The following PLEKHA5 variants were observed in gnomAD, a reference collection of about 807,000 sequenced individuals.
The protein encoded by PLEKHA5 is pleckstrin homology domain containing A5, also known as pleckstrin homology domain-containing family A member 5.
Under a neutral mutation model 181.9 loss-of-function variants are expected in PLEKHA5, and 55 were observed. That is an observed-to-expected ratio of 0.30 (90% CI 0.24 to 0.38). The LOEUF (loss-of-function observed/expected upper bound fraction) is 0.38. Ranked by LOEUF, PLEKHA5 falls within the 10% of genes least tolerant of loss-of-function variation. The pLI, the probability that PLEKHA5 is intolerant of heterozygous loss-of-function variation, is 1.00. For missense variants in PLEKHA5, 1,432 were observed against 1,549.5 expected, an observed-to-expected ratio of 0.92 and a Z score of 1.27; for synonymous variants, 535 against 529.4, an observed-to-expected ratio of 1.01 and a Z score of -0.15.
chr12:19,359,930 C>CA (rs2153231565), intron 28 of PLEKHA5, among the ~76,000 whole-genome samples: 1 of 151,468 alleles, frequency 6.6e-6, no homozygotes, highest in African/African-American at 2.4e-5. Context: ...CGCGCCACTA[C>CA]ACTCCAGCCT....
chr12:19,173,319 G>A (rs1426749750), intron 3 of PLEKHA5, among the ~76,000 whole-genome samples: 1 of 151,928 alleles, frequency 6.6e-6, no homozygotes, highest in African/African-American at 2.4e-5. Flanking sequence ...CACCGCGCCC[G>A]GCCCTTGATT....
intron 11 of PLEKHA5, among the ~76,000 whole-genome samples, chr12:19,283,019 T>C (rs2076504626): frequency 6.6e-6 from 1 of 151,690 alleles, no homozygotes; most frequent in South Asian, 2.1e-4. Context: ...TGGTGGTGGA[T>C]GCCTGTAATC....
At chr12:19,173,005 CTTTTTTTTTTTTTTTT>C (rs71064064) in intron 3 of PLEKHA5, among the ~76,000 whole-genome samples, 2 of 33,544 alleles carry the variant, frequency 6.0e-5, no homozygotes, top group Admixed American at 6.7e-4. Context: ...ATTTCCCTTT[CTTTTTTTTTTTTTTTT>C]TTTTTTTTTT....
chr12:19,267,655 C>T (rs748692516), intron 8 of PLEKHA5, among the ~76,000 whole-genome samples: 9 of 133,882 alleles, frequency 6.7e-5, no homozygotes, highest in Middle Eastern at 7.0e-3. Context: ...GTAAGACTCC[C>T]TCCCTCCCCC....
intron 3 of PLEKHA5, among the ~76,000 whole-genome samples, chr12:19,149,053 T>G (rs1235940202): frequency 6.6e-6 from 1 of 152,202 alleles, no homozygotes; most frequent in Non-Finnish European, 1.5e-5. Context: ...CTTTCTGACC[T>G]GCTATTTAAG....
chr12:19,361,746 G>A, intron 29 of PLEKHA5, 40 bp downstream of exon 29: 1 of 1,533,830 alleles, frequency 6.5e-7, no homozygotes, highest in Non-Finnish European at 8.9e-7. Context: ...TCACAAAACT[G>A]TGTAACTGCT....
intron 24 of PLEKHA5, 24 bp downstream of exon 24, chr12:19,347,206 A>C (rs1739585748): frequency 7.3e-7 from 1 of 1,368,852 alleles, no homozygotes; most frequent in Non-Finnish European, 1.0e-6. Flanking sequence ...ATAGCCACAG[A>C]ATAATCAATC....
In PLEKHA5 at chr12:19,345,844, A is replaced by G. The variant is rs138400662; in HGVS notation, c.2665A>G (p.Met889Val). Reference protein sequence around the residue: ...KQQRGTTEIGMIGSKPFSTVK... With the variant: ...KQQRGTTEIGVIGSKPFSTVK... ...GTTACGTTTTCTAATATTCCCAGGT[A>G]TGATAGGATCAAAGCCTTTCTCAAC... is the stretch of plus-strand genomic sequence containing the variant. The change falls in exon 23 of 32, where the codon ATG becomes GTG. Residue 889 changes from methionine (M) to valine (V), a missense_variant and splice_region_variant. Met to Val is a conservative substitution (Grantham distance 21). Transcript: ENST00000429027. 9.0e-5 allele frequency: 128 copies of G among 1,418,312 alleles called. No individual in the cohort carries two copies. The highest frequency in any genetic ancestry group is 3.6e-4 in the Middle Eastern group (2 of 5,632). The allele number at this position is 1,418,312 out of a possible 1,614,324, so 87.9% of individuals were successfully genotyped here. A position where few individuals can be genotyped will look rare whatever the true frequency, so the allele number is the denominator to read the frequency against.
At chr12:19,266,348 C>T (rs996404094) in intron 8 of PLEKHA5, among the ~76,000 whole-genome samples, 10 of 151,714 alleles carry the variant, frequency 6.6e-5, no homozygotes, top group African/African-American at 2.2e-4. Context: ...AACATACTAG[C>T]CGGGCATGGT....
At chr12:19,186,369 G>A (rs931566028) in intron 3 of PLEKHA5, among the ~76,000 whole-genome samples, 1 of 152,142 alleles carries the variant, frequency 6.6e-6, no homozygotes, top group Non-Finnish European at 1.5e-5. Flanking sequence ...AGTTAGGTTG[G>A]CCACAGTGAG....
Position 19,130,030 on chromosome 12 carries a change from C to A in PLEKHA5, c.90-21C>A. 6.4e-7 allele frequency: 1 copy of A among 1,562,828 alleles called. No homozygotes were observed. On this transcript the variant is annotated intron_variant, in intron 1 of 31. Transcript: ENST00000429027. The surrounding 1 kb of genome is among the most constrained non-coding windows in gnomAD (Gnocchi z 4.5). Reference sequence around the variant, plus strand: ...CGTCCCCTCTCACGCTCCGTGTCTGCCCCTTCTCTCACCCCTGCAGCGAGG... The same window carrying A: ...CGTCCCCTCTCACGCTCCGTGTCTGACCCTTCTCTCACCCCTGCAGCGAGG...
chr12:19,158,798 C>A (rs1166441336), intron 3 of PLEKHA5, among the ~76,000 whole-genome samples: 1 of 152,118 alleles, frequency 6.6e-6, no homozygotes, highest in African/African-American at 2.4e-5. Context: ...GATATACCAG[C>A]TTGCTTTATT....
At chr12:19,228,906 ATTTTT>A (rs761163952) in intron 3 of PLEKHA5, among the ~76,000 whole-genome samples, 9 of 152,166 alleles carry the variant, frequency 5.9e-5, no homozygotes, top group Non-Finnish European at 1.2e-4. Context: ...CATTTATGTG[ATTTTT>A]TTAACACTAG....
At chr12:19,197,840 A>G (rs1435903844) in intron 3 of PLEKHA5, among the ~76,000 whole-genome samples, 1 of 143,480 alleles carries the variant, frequency 7.0e-6, no homozygotes, top group Admixed American at 7.1e-5. Flanking sequence ...TGACCTCTTC[A>G]TATAGTGTCT....
At chr12:19,259,041 T>TA (rs1175964259) in intron 6 of PLEKHA5, among the ~76,000 whole-genome samples, 2 of 152,144 alleles carry the variant, frequency 1.3e-5, no homozygotes, top group Non-Finnish European at 2.9e-5. Flanking sequence ...GCAAAAGTAT[T>TA]ACCAAGTAGC....
At chr12:19,269,542 A>G (rs1195885020) in intron 8 of PLEKHA5, among the ~76,000 whole-genome samples, 1 of 151,046 alleles carries the variant, frequency 6.6e-6, no homozygotes, top group Non-Finnish European at 1.5e-5. Flanking sequence ...TAGAGTGTGC[A>G]CACAACTAAA....
At chr12:19,208,820 C>T (rs1487450260) in intron 3 of PLEKHA5, among the ~76,000 whole-genome samples, 1 of 151,968 alleles carries the variant, frequency 6.6e-6, no homozygotes, top group Non-Finnish European at 1.5e-5. Flanking sequence ...ATGTTGGCCT[C>T]AAATATTTGA....
chr12:19,143,118 T>G (rs2037912127), intron 3 of PLEKHA5, among the ~76,000 whole-genome samples: 1 of 152,234 alleles, frequency 6.6e-6, no homozygotes, highest in Non-Finnish European at 1.5e-5. Flanking sequence ...GAGGTGGCAA[T>G]TCATTTCTTT....
chr12:19,227,990 C>G (rs1022886917), intron 3 of PLEKHA5, among the ~76,000 whole-genome samples: 2 of 152,192 alleles, frequency 1.3e-5, no homozygotes, highest in East Asian at 3.9e-4. Flanking sequence ...TGCATCACCT[C>G]TGGACAATGG....
Sources: allele counts gnomAD v4.1 joint callset (sites outside exome capture counted in the v4.1 genomes callset), GRCh38; gene constraint gnomAD v4.1.1; non-coding constraint Gnocchi (gnomAD v3.1); transcripts MANE v1.5; gene names NCBI Gene and HGNC (gene_info 2026-07-23, HGNC 2026-07-21).